VTA1: variants seen among roughly 807,000 people sequenced by gnomAD.
The protein encoded by VTA1 is vacuolar protein sorting-associated protein VTA1 homolog.
In VTA1, 24 loss-of-function variants were observed where a neutral mutation model predicts 36.9. The ratio of observed to expected loss-of-function variants is 0.65; its 90% CI spans 0.47 to 0.91. VTA1 has a LOEUF of 0.91. Ranked by LOEUF, VTA1 falls within the 40% of genes least tolerant of loss-of-function variation. The pLI, the probability that VTA1 is intolerant of heterozygous loss-of-function variation, is 0.00. For missense variants in VTA1, 393 were observed against 377.2 expected (o/e 1.04, Z -0.35); for synonymous variants, 142 against 130.2 (o/e 1.09, Z -0.62).
chr6:142,179,058 A>C (rs1775176757), intron 4 of VTA1, among the ~76,000 whole-genome samples: 1 of 152,114 alleles, frequency 6.6e-6, no homozygotes, highest in Non-Finnish European at 1.5e-5. Flanking sequence ...ATGTCTGTGC[A>C]CCTAATAATA....
intron 5 of VTA1, among the ~76,000 whole-genome samples, chr6:142,194,665 T>C (rs1775513716): frequency 6.6e-6 from 1 of 152,090 alleles, no homozygotes; most frequent in Non-Finnish European, 1.5e-5. Context: ...TCCTTGAGAG[T>C]TTGTATGTAG....
chr6:142,209,322 C>A, intron 7 of VTA1, among the ~76,000 whole-genome samples: 1 of 151,630 alleles, frequency 6.6e-6, no homozygotes, highest in East Asian at 1.9e-4. Context: ...TACCTGGGAA[C>A]CGATCTAACT....
At chr6:142,187,186 A>G (rs1413158262) in intron 4 of VTA1, among the ~76,000 whole-genome samples, 15 of 152,192 alleles carry the variant, frequency 9.9e-5, no homozygotes, top group Admixed American at 9.8e-4. Flanking sequence ...CTGTCCTAGG[A>G]CAGAGTATTT....
intron 1 of VTA1, among the ~76,000 whole-genome samples, chr6:142,149,913 G>A (rs1186351878): frequency 6.6e-6 from 1 of 151,596 alleles, no homozygotes; most frequent in Non-Finnish European, 1.5e-5. Flanking sequence ...GACATGTTTT[G>A]CACTTCTCCC....
rs537636926 is a variant in VTA1 at position 142,166,036 on chromosome 6, T to A, written c.113-192T>A. Among the ~76,000 whole-genome samples, 3 of 152,062 alleles carry A rather than the reference T, an allele frequency of 2.0e-5. No individual in the cohort carries two copies. In the East Asian group the frequency reaches 5.8e-4, roughly 29 times the overall value. ...GAGAAGGCCTTATTTGATAAAAAAA[T>A]TTATCATGAATGTCTTGCATTCTTT... On this transcript the variant is annotated intron_variant, in intron 1 of 7. Transcript: ENST00000367630.
rs530493682 is a variant in VTA1, at chr6:142,148,396, C to CA, written c.112+997_112+998insA. Reference sequence around the variant, plus strand: ...GGCAAACTCATGATTCAAGATCTAACCCAAATGTCACCACTTCTGTGGGCA... The same window carrying CA: ...GGCAAACTCATGATTCAAGATCTAACACCAAATGTCACCACTTCTGTGGGCA... On this transcript the variant is annotated intron_variant, in intron 1 of 7. Coordinates refer to ENST00000367630, the MANE Select transcript of VTA1 (RefSeq NM_016485.5). Among the ~76,000 whole-genome samples, 38 of 152,302 alleles carry CA rather than the reference C, an allele frequency of 2.5e-4. No homozygotes were observed. The East Asian group carries it at 4.6e-3, about 19-fold the overall frequency.
intron 7 of VTA1, among the ~76,000 whole-genome samples, chr6:142,208,574 G>A (rs972299819): frequency 3.3e-5 from 5 of 152,098 alleles, no homozygotes; most frequent in African/African-American, 1.2e-4. Flanking sequence ...CCAGGTACAG[G>A]AAGGTCTTTT....
chr6:142,172,217 G>C (rs570130570), intron 4 of VTA1, among the ~76,000 whole-genome samples: 2 of 152,220 alleles, frequency 1.3e-5, no homozygotes, highest in African/African-American at 4.8e-5. Flanking sequence ...CACTGTGTTG[G>C]CCAGGATGAT....
At chr6:142,154,050 A>G (rs225632) in intron 1 of VTA1, among the ~76,000 whole-genome samples, 51,622 of 151,862 alleles carry the variant, frequency 0.34, 10,392 homozygotes, top group Middle Eastern at 0.52. Flanking sequence ...TTTAGTTCTA[A>G]ACAGCTTTGT....
rs1044497278 is a variant in VTA1 at position 142,219,003 on chromosome 6, C to G, written c.*360C>G. The G allele has an allele frequency of 3.2e-5, 5 of 156,950 alleles. No homozygotes were observed. Among genetic ancestry groups the G allele is most frequent in the Middle Eastern group, 2.9e-3 (1 of 348 alleles). The allele number at this position is 156,950 out of a possible 1,614,324, so 9.7% of individuals were successfully genotyped here. A position where few individuals can be genotyped will look rare whatever the true frequency, so the allele number is the denominator to read the frequency against. ...TTTTTTAAAATCTGTAATGTTTGGA[C>G]AAACAGATGATATTACTTTGCTATA... On this transcript the variant is annotated 3_prime_UTR_variant, in exon 8 of 8. Coordinates refer to ENST00000367630, the MANE Select transcript of VTA1 (RefSeq NM_016485.5).
chr6:142,205,956 C>T (rs1775783872), intron 7 of VTA1, among the ~76,000 whole-genome samples: 1 of 152,100 alleles, frequency 6.6e-6, no homozygotes, highest in South Asian at 2.1e-4. Context: ...AGAACATTCT[C>T]CTTCAAAAGG....
intron 1 of VTA1, among the ~76,000 whole-genome samples, chr6:142,156,695 G>A (rs1778669539): frequency 1.3e-5 from 2 of 152,100 alleles, no homozygotes; most frequent in Non-Finnish European, 2.9e-5. Context: ...AGTCTCAAGA[G>A]TCTTCATTTG....
intron 1 of VTA1, among the ~76,000 whole-genome samples, chr6:142,154,190 G>A (rs1046092579): frequency 1.3e-5 from 2 of 151,964 alleles, no homozygotes; most frequent in Non-Finnish European, 2.9e-5. Context: ...CTGGTAGCCA[G>A]TAACTTGTTG....
chr6:142,199,654 A>T (rs915882551), intron 6 of VTA1, among the ~76,000 whole-genome samples: 3 of 152,130 alleles, frequency 2.0e-5, no homozygotes, highest in Non-Finnish European at 2.9e-5. Flanking sequence ...ATCAAGTATG[A>T]TTAGTGTCTT....
chr6:142,193,508 C>G (rs571658854), intron 5 of VTA1, among the ~76,000 whole-genome samples: 6 of 152,008 alleles, frequency 3.9e-5, no homozygotes, highest in African/African-American at 1.4e-4. Context: ...TTAGTTGGCA[C>G]TCTATCATAA....
At position 142,223,663 on chromosome 6, in the gene VTA1, C is replaced by G. The variant is rs889575935; in HGVS notation, c.*5020C>G. 1 of 151,970 alleles carries G rather than the reference C, an allele frequency of 6.6e-6. No homozygotes were observed. Among genetic ancestry groups the G allele is most frequent in the Non-Finnish European group, 1.5e-5 (1 of 68,018 alleles). The allele number at this position is 151,970 out of a possible 1,614,324, so 9.4% of individuals were successfully genotyped here. A position where few individuals can be genotyped will look rare whatever the true frequency, so the allele number is the denominator to read the frequency against. On this transcript the variant is annotated 3_prime_UTR_variant, in exon 8 of 8. Coordinates refer to ENST00000367630, the MANE Select transcript of VTA1 (RefSeq NM_016485.5). ...GTTCAGCAATATTGGGAAGTCTTGT[C>G]AAATATTAAGTCATTCATATGTTCA...
At position 142,169,589 on chromosome 6, in the gene VTA1, G is replaced by A. The variant is rs1774989150; in HGVS notation, c.247G>A (p.Glu83Lys). The A allele has an allele frequency of 6.2e-7, 1 of 1,608,666 alleles. No homozygotes were observed. Among genetic ancestry groups the A allele is most frequent in the South Asian group, 1.1e-5 (1 of 89,426 alleles). ...QLGDNEAITQEIVGCAHLENY... is the reference protein window; with the variant it reads ...QLGDNEAITQKIVGCAHLENY... ...GGGTGATAATGAAGCTATTACTCAA[G>A]AAATAGTGGGCTGTGCCCATTTGGA... Residue 83 changes from glutamate to lysine, a missense_variant, in exon 3 of 8, where the codon GAA (glutamate) becomes AAA (lysine). Coordinates refer to ENST00000367630, the MANE Select transcript of VTA1 (RefSeq NM_016485.5).
At chr6:142,159,785 T>A (rs1023877056) in intron 1 of VTA1, among the ~76,000 whole-genome samples, 9 of 152,062 alleles carry the variant, frequency 5.9e-5, no homozygotes, top group Non-Finnish European at 1.3e-4. Context: ...AGTGCTGGGA[T>A]TACAGGCATG....
intron 7 of VTA1, among the ~76,000 whole-genome samples, chr6:142,214,530 C>G (rs1445714214): frequency 2.6e-5 from 4 of 152,194 alleles, no homozygotes. Flanking sequence ...ATGATCCACT[C>G]ACCTCCTACC....
Sources: allele counts gnomAD v4.1 joint callset (sites outside exome capture counted in the v4.1 genomes callset), GRCh38; gene constraint gnomAD v4.1.1; transcripts MANE v1.5; gene names NCBI Gene and HGNC (gene_info 2026-07-23, HGNC 2026-07-21).